The following KRABD2 variants were observed in gnomAD, a reference collection of about 807,000 sequenced individuals.
KRABD2 encodes KRAB domain containing 2, also known as KRAB domain-containing protein 2.
the KRABD2 span, chr17:8,371,451 C>T: frequency 6.2e-7 from 1 of 1,614,102 alleles, no homozygotes; most frequent in Non-Finnish European, 8.5e-7. Context: ...GCCACAGGGA[C>T]CATATAGTCT....
chr17:8,360,364 A>G, the KRABD2 span, among the ~76,000 whole-genome samples: 1 of 152,160 alleles, frequency 6.6e-6, no homozygotes, highest in East Asian at 1.9e-4. Flanking sequence ...AAAGTCTCAT[A>G]TTAAAACGGA....
At chr17:8,369,438 T>C in the KRABD2 span, 8 of 1,614,096 alleles carry the variant, frequency 5.0e-6, no homozygotes, top group African/African-American at 8.0e-5. Context: ...CCTCACCATC[T>C]GCATGAATCG....
At chr17:8,370,544 C>T in the KRABD2 span, among the ~76,000 whole-genome samples, 1 of 152,100 alleles carries the variant, frequency 6.6e-6, no homozygotes, top group Non-Finnish European at 1.5e-5. Flanking sequence ...AACTAGAAAG[C>T]CAACTAGCAC....
At chr17:8,376,133 T>C in the KRABD2 span, 2 of 1,231,740 alleles carry the variant, frequency 1.6e-6, no homozygotes, top group Non-Finnish European at 2.0e-6. Context: ...GGCTTCTACC[T>C]GCCTGTACCC....
At chr17:8,376,422 C>A in the KRABD2 span, 2 of 1,077,572 alleles carry the variant, frequency 1.9e-6, no homozygotes, top group African/African-American at 1.7e-5. Flanking sequence ...GCACTTAATA[C>A]AGTGTCCCCT....
At chr17:8,369,959 T>A in the KRABD2 span, 7 of 1,614,086 alleles carry the variant, frequency 4.3e-6, no homozygotes, top group Middle Eastern at 1.6e-4. Flanking sequence ...TCCCATATTT[T>A]CCTTGCAGCT....
the KRABD2 span, chr17:8,369,728 C>T: frequency 6.2e-7 from 1 of 1,614,156 alleles, no homozygotes; most frequent in Non-Finnish European, 8.5e-7. Context: ...TTCTTAATGG[C>T]CGTAAAATAA....
the KRABD2 span, chr17:8,376,624 G>T: frequency 1.1e-5 from 11 of 985,744 alleles, no homozygotes; most frequent in Non-Finnish European, 1.3e-5. Flanking sequence ...GCAGACTGAG[G>T]AAGGTCAGGA....
the KRABD2 span, among the ~76,000 whole-genome samples, chr17:8,374,542 T>C: frequency 1.3e-5 from 2 of 151,084 alleles, no homozygotes; most frequent in Admixed American, 1.3e-4. Flanking sequence ...TTCACATGTT[T>C]ATCTGCTGAC....
At chr17:8,375,759 C>A in the KRABD2 span, 2 of 360,298 alleles carry the variant, frequency 5.6e-6, no homozygotes, top group Non-Finnish European at 7.9e-6. Flanking sequence ...GCTTCAGTAT[C>A]TTTTCCAAAG....
At chr17:8,370,108 C>T in the KRABD2 span, 2 of 1,613,952 alleles carry the variant, frequency 1.2e-6, no homozygotes, top group African/African-American at 1.3e-5. Flanking sequence ...TTCTCTGTGC[C>T]CTGTACAGAG....
At chr17:8,375,799 A>G in the KRABD2 span, 8 of 841,776 alleles carry the variant, frequency 9.5e-6, no homozygotes, top group East Asian at 7.9e-5. Context: ...CCGTAAATCA[A>G]TCAGCTTCTT....
At chr17:8,364,677 T>C in the KRABD2 span, among the ~76,000 whole-genome samples, 2 of 152,092 alleles carry the variant, frequency 1.3e-5, no homozygotes, top group African/African-American at 2.4e-5. This position sits in a 1 kb window ranked among gnomAD's most constrained non-coding sequence, Gnocchi z 4.4. Flanking sequence ...CAAGAGGTGC[T>C]AGACATCCAG....
At chr17:8,366,630 TC>T in the KRABD2 span, among the ~76,000 whole-genome samples, 3 of 152,206 alleles carry the variant, frequency 2.0e-5, no homozygotes, top group Non-Finnish European at 2.9e-5. Context: ...ATACAGTTTC[TC>T]CTGAAGCGGG....
At chr17:8,370,034 C>G in the KRABD2 span, 1 of 1,614,158 alleles carries the variant, frequency 6.2e-7, no homozygotes, top group South Asian at 1.1e-5. Context: ...GAATATCAAA[C>G]AACTCTTCCT....
chr17:8,359,578 G>T, the KRABD2 span: 3 of 455,930 alleles, frequency 6.6e-6, no homozygotes, highest in Non-Finnish European at 1.3e-5. Context: ...GAAACTGACA[G>T]GCTAGAGAAG....
the KRABD2 span, among the ~76,000 whole-genome samples, chr17:8,363,859 A>ATATATATATATT: frequency 6.7e-5 from 5 of 74,964 alleles, no homozygotes; most frequent in East Asian, 1.8e-3. Context: ...ATATATATAT[A>ATATATATATATT]TATTTATTTA....
At chr17:8,375,905 A>G in the KRABD2 span, 1 of 1,229,132 alleles carries the variant, frequency 8.1e-7, no homozygotes, top group Non-Finnish European at 1.0e-6. Flanking sequence ...CCCACCTGTG[A>G]GTCTTCGCCT....
chr17:8,364,037 T>G, the KRABD2 span, among the ~76,000 whole-genome samples: 3 of 151,096 alleles, frequency 2.0e-5, no homozygotes, highest in East Asian at 5.9e-4. The surrounding 1 kb of genome is among the most constrained non-coding windows in gnomAD (Gnocchi z 4.4). Flanking sequence ...CCCAGCTAAT[T>G]TTTGTATTTT....
Sources: gnomAD v4.1 joint callset for allele counts (sites outside exome capture counted in the v4.1 genomes callset) on GRCh38, gnomAD v4.1.1 for gene constraint, Gnocchi (gnomAD v3.1) non-coding constraint, MANE v1.5 for transcripts, NCBI Gene and HGNC (gene_info 2026-07-23, HGNC 2026-07-21) for gene names.